The following PLEKHA8 variants were observed in gnomAD, a reference collection of about 807,000 sequenced individuals.
PLEKHA8 encodes pleckstrin homology domain-containing family A member 8.
Under a neutral mutation model 68.2 loss-of-function variants are expected in PLEKHA8, and 36 were observed. The observed-to-expected ratio is 0.53, with a 90% CI of 0.40 to 0.70. PLEKHA8 has a LOEUF of 0.70. Ranked by LOEUF, PLEKHA8 falls within the 30% of genes least tolerant of loss-of-function variation. The probability of loss-of-function intolerance (pLI) is 0.00; values close to 1 mark genes in which losing one functional copy is unlikely to be tolerated. For synonymous variants in PLEKHA8, 211 were observed against 216.1 expected (o/e 0.98, Z 0.20); for missense variants, 505 against 615.4 (o/e 0.82, Z 1.90).
downstream of PLEKHA8, among the ~76,000 whole-genome samples, chr7:30,095,241 A>G (rs1194111200): frequency 6.6e-6 from 1 of 152,130 alleles, no homozygotes; most frequent in Non-Finnish European, 1.5e-5. Context: ...ATGGTATCTC[A>G]TTGTGGTTTT....
rs1167837949 is a variant in PLEKHA8, at chr7:30,120,159, AAAAAAAAAAAC to A, written c.1363-9096_1363-9086del. On this transcript the variant is annotated intron_variant, in intron 13 of 13. Transcript: ENST00000396257. ...GGATGGCTGTAATACAAATAATTAA[AAAAAAAAAAAC>A]AAAAAAAAAAACAGAAAATAACATG... Among the ~76,000 whole-genome samples the A allele has an allele frequency of 5.2e-4, 74 of 143,634 alleles. 1 individual carries two copies. The highest frequency in any genetic ancestry group is 1.8e-3 in the African/African-American group (68 of 36,940). 94.2% of individuals were successfully genotyped at this position (143,634 alleles called of 152,430 possible). A position where few individuals can be genotyped will look rare whatever the true frequency, so the allele number is the denominator to read the frequency against.
chr7:30,057,715 T>C (rs905549687), intron 9 of PLEKHA8, among the ~76,000 whole-genome samples: 31 of 152,090 alleles, frequency 2.0e-4, no homozygotes, highest in Admixed American at 1.8e-3. Context: ...CCCACCTCGG[T>C]CTCCCAAAGT....
intron 13 of PLEKHA8, chr7:30,115,840 A>T (rs1328277598): frequency 6.6e-6 from 1 of 150,514 alleles, no homozygotes; most frequent in Non-Finnish European, 1.5e-5. Context: ...ACATACATGT[A>T]TACACGTATG....
intron 12 of PLEKHA8, 44 bp from the exon 13 acceptor site, chr7:30,074,027 A>T (rs1562532158): frequency 6.5e-7 from 1 of 1,535,448 alleles, no homozygotes; most frequent in East Asian, 2.3e-5. Flanking sequence ...AGCACATCAA[A>T]TTCTGATGAA....
At chr7:30,089,449 T>C (rs1306194647), downstream of PLEKHA8, among the ~76,000 whole-genome samples, 1 of 152,116 alleles carries the variant, frequency 6.6e-6, no homozygotes, top group African/African-American at 2.4e-5. Flanking sequence ...TGTTGATGCT[T>C]AAATATTTTC....
chr7:30,041,395 T>C (rs1238083418), intron 1 of PLEKHA8, among the ~76,000 whole-genome samples: 1 of 151,536 alleles, frequency 6.6e-6, no homozygotes, highest in Non-Finnish European at 1.5e-5. Flanking sequence ...AATATTTCAG[T>C]TGCTATTATA....
chr7:30,092,984 C>T (rs1795475892), downstream of PLEKHA8, among the ~76,000 whole-genome samples: 1 of 152,222 alleles, frequency 6.6e-6, no homozygotes, highest in South Asian at 2.1e-4. Flanking sequence ...GATTCTATCA[C>T]TTGAAACCAA....
chr7:30,085,302 A>G (rs1283713042), downstream of PLEKHA8, among the ~76,000 whole-genome samples: 2 of 152,134 alleles, frequency 1.3e-5, no homozygotes, highest in Admixed American at 1.3e-4. Context: ...GAAGCATCAG[A>G]CAGCCTCTGG....
At position 30,084,528 on chromosome 7, in the gene PLEKHA8, G is replaced by C. The variant is rs541832680; in HGVS notation, c.*5741G>C. On this transcript the variant is annotated 3_prime_UTR_variant, in exon 14 of 14. Transcript: ENST00000449726. ...AGATTTGTATTGTTTCTCTGTCCAA[G>C]TCCTTATTCTCTATCTTGTGGGGAG... 1.5e-4 allele frequency: 147 copies of C among 985,322 alleles called. No individual in the cohort carries two copies. In the African/African-American group the frequency reaches 2.5e-3, roughly 16 times the overall value. 61.0% of individuals were successfully genotyped at this position (985,322 alleles called of 1,614,324 possible).
intron 13 of PLEKHA8, among the ~76,000 whole-genome samples, chr7:30,113,717 C>T (rs1796340394): frequency 6.6e-6 from 1 of 152,066 alleles, no homozygotes; most frequent in African/African-American, 2.4e-5. Flanking sequence ...TATCTCATTC[C>T]TTAGGCCTCA....
downstream of PLEKHA8, among the ~76,000 whole-genome samples, chr7:30,087,599 G>T (rs1795232955): frequency 6.6e-6 from 1 of 152,142 alleles, no homozygotes; most frequent in Non-Finnish European, 1.5e-5. Flanking sequence ...TGTCAGCAAG[G>T]CCTGCCTCAG....
At chr7:30,074,037 A>C (rs1406214888) in intron 12 of PLEKHA8, 34 bp from the exon 13 acceptor site, 2 of 1,565,582 alleles carry the variant, frequency 1.3e-6, no homozygotes, top group Non-Finnish European at 1.7e-6. Flanking sequence ...ATTCTGATGA[A>C]AGTGTTCCTC....
intron 13 of PLEKHA8, among the ~76,000 whole-genome samples, chr7:30,111,706 G>A (rs1410627578): frequency 5.3e-5 from 8 of 151,260 alleles, no homozygotes; most frequent in Admixed American, 3.3e-4. Context: ...TGTAACCTCC[G>A]CCTCTCAGGC....
chr7:30,072,696 G>C lies in PLEKHA8; in HGVS notation c.1301-1375G>C, dbSNP rs142769690. ...GTTAGAATTGAAAATATTTTTGTAG[G>C]CTTAGAATGTCACACTAAGCATTCA... On this transcript the variant is annotated intron_variant, in intron 12 of 13. Coordinates refer to ENST00000449726, the MANE Select transcript of PLEKHA8 (RefSeq NM_001197026.2). Among the ~76,000 whole-genome samples, 254 of 152,290 alleles carry C rather than the reference G, an allele frequency of 1.7e-3. 3 individuals carry two copies. Among genetic ancestry groups the C allele is most frequent in the African/African-American group, 5.8e-3 (243 of 41,564 alleles).
At chr7:30,115,972 G>A (rs796696324) in intron 13 of PLEKHA8, 3 of 132,512 alleles carry the variant, frequency 2.3e-5, no homozygotes, top group South Asian at 2.3e-4. Context: ...GCATACATGT[G>A]CATGCATGCA....
At chr7:30,054,990 CCTGCTTTA>C in intron 8 of PLEKHA8, 125 bp downstream of exon 8, 1 of 964,978 alleles carries the variant, frequency 1.0e-6, no homozygotes, top group Non-Finnish European at 1.6e-6. Flanking sequence ...ATACCAAGTA[CCTGCTTTA>C]CTGTTTACTC....
intron 12 of PLEKHA8, among the ~76,000 whole-genome samples, chr7:30,071,129 A>G (rs1794209446): frequency 6.6e-6 from 1 of 152,192 alleles, no homozygotes; most frequent in African/African-American, 2.4e-5. Context: ...CTCTCCTTTT[A>G]AAATATTTTC....
chr7:30,053,786 G>A (rs1483316745), intron 7 of PLEKHA8, among the ~76,000 whole-genome samples: 1 of 152,168 alleles, frequency 6.6e-6, no homozygotes, highest in African/African-American at 2.4e-5. Context: ...GTGTTATTGA[G>A]TCACCATGAG....
intron 1 of PLEKHA8, among the ~76,000 whole-genome samples, 165 bp from the exon 2 acceptor site, chr7:30,044,920 A>T (rs1472757448): frequency 6.6e-6 from 1 of 152,230 alleles, no homozygotes; most frequent in African/African-American, 2.4e-5. Flanking sequence ...AATGGGATAA[A>T]ACATACAGGT....
Sources: allele counts gnomAD v4.1 joint callset (sites outside exome capture counted in the v4.1 genomes callset), GRCh38; gene constraint gnomAD v4.1.1; transcripts MANE v1.5; gene names NCBI Gene and HGNC (gene_info 2026-07-23, HGNC 2026-07-21).